Variants in SPRED2 observed in about 807,000 individuals in gnomAD.
SPRED2 encodes the protein sprouty-related, EVH1 domain-containing protein 2.
In SPRED2, 47 loss-of-function variants were observed where a neutral mutation model predicts 43.0. The observed-to-expected ratio is 1.09, with a 90% CI of 0.87 to 1.40. The LOEUF (loss-of-function observed/expected upper bound fraction) is 1.40. Among genes scored for constraint, SPRED2 ranks in the 40% most tolerant of loss-of-function variants. The pLI is 0.00. For missense variants in SPRED2, 561 were observed against 586.4 expected, an observed-to-expected ratio of 0.96 and a Z score of 0.45; for synonymous variants, 225 against 225.7, an observed-to-expected ratio of 1.00 and a Z score of 0.03.
chr2:65,313,176 A>G lies in SPRED2; in HGVS notation c.*325T>C. The G allele has an allele frequency of 9.5e-7, 1 of 1,053,730 alleles. No individual in the cohort carries two copies. The highest frequency in any genetic ancestry group is 1.1e-6 in the Non-Finnish European group (1 of 874,538). The allele number at this position is 1,053,730 out of a possible 1,614,324, so 65.3% of individuals were successfully genotyped here. On this transcript the variant is annotated 3_prime_UTR_variant, in exon 6 of 6. Transcript: ENST00000356388. Reference sequence around the variant, plus strand: ...AACTGGAAGAGGCGGGGGAGGAGGAAACAGGAAATCAACACATGGATGAGA... The same window carrying G: ...AACTGGAAGAGGCGGGGGAGGAGGAGACAGGAAATCAACACATGGATGAGA...
intron 1 of SPRED2, among the ~76,000 whole-genome samples, chr2:65,398,118 A>G (rs1278774098): frequency 1.3e-5 from 2 of 152,228 alleles, no homozygotes; most frequent in African/African-American, 4.8e-5. Context: ...TGACAAAGCA[A>G]ACAAAAACTT....
At chr2:65,387,733 AT>A (rs1034525379) in intron 1 of SPRED2, among the ~76,000 whole-genome samples, 2 of 152,124 alleles carry the variant, frequency 1.3e-5, no homozygotes, top group African/African-American at 4.8e-5. Context: ...AACATATAAT[AT>A]ATATACATGT....
Position 65,313,328 on chromosome 2 carries a change from A to G in SPRED2, c.*173T>C. On this transcript the variant is annotated 3_prime_UTR_variant, in exon 6 of 6. Transcript: ENST00000356388. ...AGTGTGGGCGGCAGGGGGAGTGGAG[A>G]GTCTACCCGGCAGCGTCCCTGGCTG... 6.9e-7 allele frequency: 1 copy of G among 1,450,538 alleles called. No individual in the cohort carries two copies. The highest frequency in any genetic ancestry group is 9.0e-7 in the Non-Finnish European group (1 of 1,109,736). 89.9% of individuals were successfully genotyped at this position (1,450,538 alleles called of 1,614,324 possible).
downstream of SPRED2, among the ~76,000 whole-genome samples, chr2:65,308,851 A>T (rs1672993535): frequency 6.6e-6 from 1 of 152,192 alleles, no homozygotes; most frequent in Non-Finnish European, 1.5e-5. Context: ...CCAACCTCAC[A>T]TCGAAAATAT....
chr2:65,316,988 T>C (rs1673260081), intron 4 of SPRED2, 105 bp from the exon 5 acceptor site: 3 of 1,252,230 alleles, frequency 2.4e-6, no homozygotes, highest in East Asian at 2.5e-5. Context: ...TCCCTGGTTG[T>C]GGCAATTTGC....
chr2:65,314,546 C>A (rs1298510091), intron 5 of SPRED2, among the ~76,000 whole-genome samples: 1 of 152,176 alleles, frequency 6.6e-6, no homozygotes, highest in Non-Finnish European at 1.5e-5. Context: ...AGGACCTGTG[C>A]CCCAGAGTAT....
chr2:65,314,071 C>T lies in SPRED2; in HGVS notation c.687G>A (p.Glu229=), dbSNP rs139571752. 8.7e-6 allele frequency: 14 copies of T among 1,613,902 alleles called. No homozygotes were observed. The highest frequency in any genetic ancestry group is 6.7e-5 in the African/African-American group (5 of 74,926). ...CCCTGACGGGTGCGTGCCGGTAATC[C>T]TCGTACCCCGTCATCCAGATCTTCT... ...PREKIWMTGY[E]DYRHAPVRGK... Residue 229 remains glutamate, a synonymous_variant, in exon 6 of 6, where the codon GAG becomes GAA. Coordinates refer to ENST00000356388, the MANE Select transcript of SPRED2 (RefSeq NM_181784.3).
chr2:65,317,561 A>AAC (rs1558647445), intron 4 of SPRED2, among the ~76,000 whole-genome samples: 87 of 96,122 alleles, frequency 9.1e-4, no homozygotes, highest in African/African-American at 3.1e-3. Context: ...ACAACAACAA[A>AAC]AACAAAACAT....
At chr2:65,393,524 A>G (rs1191450886) in intron 1 of SPRED2, among the ~76,000 whole-genome samples, 1 of 151,840 alleles carries the variant, frequency 6.6e-6, no homozygotes, top group African/African-American at 2.4e-5. Flanking sequence ...TAGTAGAGAC[A>G]GGGTTTCATC....
chr2:65,313,000 G>C lies in SPRED2; in HGVS notation c.*501C>G, dbSNP rs1230449103. ...CTGCAGGCTGAGATACTTCTGTCGG[G>C]TTTCATCATTCTCACATCCCATTTC... On this transcript the variant is annotated 3_prime_UTR_variant, in exon 6 of 6. Coordinates refer to ENST00000356388, the MANE Select transcript of SPRED2 (RefSeq NM_181784.3). 5.1e-6 allele frequency: 5 copies of C among 986,040 alleles called. No individual in the cohort carries two copies. Among genetic ancestry groups the C allele is most frequent in the Non-Finnish European group, 6.0e-6 (5 of 830,378 alleles). The allele number at this position is 986,040 out of a possible 1,614,324, so 61.1% of individuals were successfully genotyped here.
chr2:65,370,448 G>A (rs1003963713), intron 1 of SPRED2, among the ~76,000 whole-genome samples: 1 of 152,174 alleles, frequency 6.6e-6, no homozygotes, highest in Non-Finnish European at 1.5e-5. Flanking sequence ...TACAAAGGCA[G>A]GACTGAGCAG....
Position 65,313,750 on chromosome 2 carries a change from G to A in SPRED2, c.1008C>T (p.Cys336=), listed in dbSNP as rs1490880866. 4 of 1,614,126 alleles carry A rather than the reference G, an allele frequency of 2.5e-6. No individual in the cohort carries two copies. Among genetic ancestry groups the A allele is most frequent in the Non-Finnish European group, 2.5e-6 (3 of 1,180,058 alleles). The change falls in exon 6 of 6, where the codon TGC becomes TGT. Residue 336 remains cysteine (C), a synonymous_variant. Coordinates refer to ENST00000356388, the MANE Select transcript of SPRED2 (RefSeq NM_181784.3). ...CQDAPDSVRT[C]IRRVSCMWCA... ...ACCACATGCAGCTCACCCGGCGGAT[G>A]CAAGTTCTCACGGAGTCGGGCGCGT... is the stretch of plus-strand genomic sequence containing the variant.
At chr2:65,367,035 G>GC (rs1329860125) in intron 1 of SPRED2, among the ~76,000 whole-genome samples, 1 of 152,182 alleles carries the variant, frequency 6.6e-6, no homozygotes, top group Non-Finnish European at 1.5e-5. Context: ...TTCTTCACCT[G>GC]CCCCCAGCCC....
chr2:65,318,598 G>A (rs1673315550), intron 4 of SPRED2, among the ~76,000 whole-genome samples: 1 of 151,916 alleles, frequency 6.6e-6, no homozygotes, highest in African/African-American at 2.4e-5. Flanking sequence ...AAATCTACAG[G>A]AACTTTCCTT....
intron 1 of SPRED2, among the ~76,000 whole-genome samples, chr2:65,403,537 G>C (rs1675954153): frequency 1.3e-5 from 2 of 152,192 alleles, no homozygotes; most frequent in African/African-American, 2.4e-5. Context: ...AAAATGCTGG[G>C]ATTACATGCG....
chr2:65,407,729 G>T (rs1676059897), intron 1 of SPRED2, among the ~76,000 whole-genome samples: 1 of 152,126 alleles, frequency 6.6e-6, no homozygotes, highest in South Asian at 2.1e-4. Context: ...ATGCCTCCGT[G>T]CACACAGGTA....
intron 1 of SPRED2, among the ~76,000 whole-genome samples, chr2:65,370,757 A>T (rs1675103769): frequency 6.6e-6 from 1 of 152,136 alleles, no homozygotes. Context: ...ACAGTGCCTG[A>T]GGTTGCCTGT....
At chr2:65,431,909 C>A in intron 1 of SPRED2, 53 bp downstream of exon 1, 1 of 1,605,694 alleles carries the variant, frequency 6.2e-7, no homozygotes, top group Non-Finnish European at 8.5e-7. Flanking sequence ...TCAGCCCCGG[C>A]CCCCACGCTG....
downstream of SPRED2, among the ~76,000 whole-genome samples, chr2:65,307,541 C>A (rs576127533): frequency 7.2e-6 from 1 of 139,280 alleles, no homozygotes; most frequent in Non-Finnish European, 1.6e-5. Flanking sequence ...ATAATCACAA[C>A]CCCTTCTCAA....
Sources: gnomAD v4.1 joint callset for allele counts (sites outside exome capture counted in the v4.1 genomes callset) on GRCh38, gnomAD v4.1.1 for gene constraint, MANE v1.5 for transcripts, NCBI Gene and HGNC (gene_info 2026-07-23, HGNC 2026-07-21) for gene names.